Variants in CFAP44 observed in about 807,000 individuals in gnomAD.
CFAP44 encodes the protein cilia and flagella associated protein 44, also known as cilia- and flagella-associated protein 44.
CFAP44 carries 134 observed loss-of-function variants against 216.2 expected under a neutral mutation model. That is an observed-to-expected ratio of 0.62 (90% CI 0.54 to 0.72). CFAP44 has a LOEUF of 0.72. Among genes scored for constraint, CFAP44 ranks in the 30% least tolerant of loss-of-function variants. The pLI is 0.00. For synonymous variants in CFAP44, 700 were observed against 727.6 expected (o/e 0.96, Z 0.61); for missense variants, 2,035 against 2,182.1 (o/e 0.93, Z 1.34).
At chr3:113,388,191 A>C (rs1349741185) in intron 15 of CFAP44, among the ~76,000 whole-genome samples, 1 of 152,096 alleles carries the variant, frequency 6.6e-6, no homozygotes, top group Non-Finnish European at 1.5e-5. Context: ...GAGCAAACAT[A>C]GGCAGTAGCC....
At chr3:113,298,690 C>A (rs571729202) in intron 32 of CFAP44, among the ~76,000 whole-genome samples, 146 of 152,306 alleles carry the variant, frequency 9.6e-4, no homozygotes, top group African/African-American at 3.3e-3. Flanking sequence ...TGCTACAACA[C>A]GGATAAACCT....
At chr3:113,380,844 T>G in intron 16 of CFAP44, 55 bp downstream of exon 16, 1 of 1,388,532 alleles carries the variant, frequency 7.2e-7, no homozygotes, top group Non-Finnish European at 9.6e-7. Context: ...TAGGATATTT[T>G]ATATTCTAAG....
chr3:113,348,939 T>A (rs1950415327), intron 22 of CFAP44, among the ~76,000 whole-genome samples: 1 of 152,072 alleles, frequency 6.6e-6, no homozygotes, highest in Non-Finnish European at 1.5e-5. Context: ...AGCTACAACC[T>A]GAGAGTTGGA....
At chr3:113,351,623 C>T (rs1054505683) in intron 22 of CFAP44, among the ~76,000 whole-genome samples, 2 of 152,158 alleles carry the variant, frequency 1.3e-5, no homozygotes, top group Admixed American at 1.3e-4. Context: ...GTTGTTTTTA[C>T]ACTAACCAGT....
In CFAP44 at chr3:113,366,429, C is replaced by T. The variant is rs950352667; in HGVS notation, c.2445-120G>A. 2.4e-5 allele frequency: 29 copies of T among 1,185,164 alleles called. No individual in the cohort carries two copies. The African/African-American group carries it at 3.9e-4, about 16-fold the overall frequency. The allele number at this position is 1,185,164 out of a possible 1,614,324, so 73.4% of individuals were successfully genotyped here. On this transcript the variant is annotated intron_variant, in intron 18 of 34. Transcript: ENST00000393845. Reference sequence around the variant, plus strand: ...TTGTTATGGACTGAATTGTACACCCCTAAAATTCCTATATTGAAGCCCTAA... The same window carrying T: ...TTGTTATGGACTGAATTGTACACCCTTAAAATTCCTATATTGAAGCCCTAA...
chr3:113,407,633 TTGAAAAATTCTTAG>T (rs1336550525), intron 7 of CFAP44, among the ~76,000 whole-genome samples: 1 of 152,228 alleles, frequency 6.6e-6, no homozygotes, highest in Non-Finnish European at 1.5e-5. Flanking sequence ...CATAGAATTG[TTGAAAAATTCTTAG>T]AACAGTGCCT....
At chr3:113,439,772 G>A (rs2107425987) in intron 1 of CFAP44, among the ~76,000 whole-genome samples, 1 of 152,268 alleles carries the variant, frequency 6.6e-6, no homozygotes, top group East Asian at 1.9e-4. Flanking sequence ...GCTGTCTAAG[G>A]TGACATTACT....
intron 15 of CFAP44, among the ~76,000 whole-genome samples, chr3:113,390,314 T>C (rs1438378171): frequency 1.3e-5 from 2 of 151,974 alleles, no homozygotes; most frequent in Non-Finnish European, 1.5e-5. Flanking sequence ...TGACAAAAAT[T>C]CTCAAAAGAC....
intron 15 of CFAP44, among the ~76,000 whole-genome samples, chr3:113,393,854 C>T (rs1933917604): frequency 6.6e-6 from 1 of 152,052 alleles, no homozygotes; most frequent in South Asian, 2.1e-4. Context: ...ACCACATGAT[C>T]TCTATACAGG....
Position 113,420,127 on chromosome 3 carries a change from C to G in CFAP44, c.460G>C (p.Asp154His). ...RKRANLQLLD[D>H]SIAIYIAGNQ... ...CCAGCTATGTATATGGCGATACTGT[C>G]GTCCAGAAGTTGTAGGTTGGCTCGC... Residue 154 changes from aspartate (D) to histidine (H), a missense_variant, in exon 5 of 35, where the codon GAC becomes CAC. Asp to His is a moderately conservative substitution (Grantham distance 81, BLOSUM62 -1). Coordinates refer to ENST00000393845, the MANE Select transcript of CFAP44 (RefSeq NM_001164496.2). 1 of 1,613,740 alleles carries G rather than the reference C, an allele frequency of 6.2e-7. No homozygotes were observed. The highest frequency in any genetic ancestry group is 8.5e-7 in the Non-Finnish European group (1 of 1,179,802).
rs778336352 is a variant in CFAP44 at position 113,287,003 on chromosome 3, A to G, written c.*4554T>C. The G allele has an allele frequency of 1.6e-5, 15 of 949,602 alleles. No homozygotes were observed. In the African/African-American group the frequency reaches 2.1e-4, roughly 14 times the overall value. 58.8% of individuals were successfully genotyped at this position (949,602 alleles called of 1,614,324 possible). A position where few individuals can be genotyped will look rare whatever the true frequency, so the allele number is the denominator to read the frequency against. ...TTTATGCACTTGTAAATAAATGTAT[A>G]TGTTTTATAATTCTGGAGAGACATA... On this transcript the variant is annotated 3_prime_UTR_variant, in exon 35 of 35. Transcript: ENST00000393845.
intron 24 of CFAP44, among the ~76,000 whole-genome samples, chr3:113,336,744 T>C (rs1157063728): frequency 2.0e-5 from 3 of 151,928 alleles, no homozygotes; most frequent in East Asian, 1.9e-4. Flanking sequence ...AAATATACCA[T>C]TGAATGACAG....
At chr3:113,429,335 G>T (rs1935042371) in intron 2 of CFAP44, among the ~76,000 whole-genome samples, 1 of 151,940 alleles carries the variant, frequency 6.6e-6, no homozygotes, top group Admixed American at 6.6e-5. Context: ...TTTCTTAATT[G>T]ATCCTTTTAT....
chr3:113,419,916 T>G (rs2129434), intron 5 of CFAP44, 101 bp downstream of exon 5: 203,519 of 1,221,044 alleles, frequency 0.17, 17,877 homozygotes, highest in African/African-American at 0.25. Context: ...CCCACAATAC[T>G]GTGCATGGTG....
chr3:113,346,264 T>C (rs1159971064), intron 22 of CFAP44, among the ~76,000 whole-genome samples: 2 of 151,484 alleles, frequency 1.3e-5, no homozygotes, highest in East Asian at 3.9e-4. Flanking sequence ...AGCTAAAGGA[T>C]TGTAAATGCA....
intron 32 of CFAP44, among the ~76,000 whole-genome samples, chr3:113,297,407 C>G (rs1949892006): frequency 6.6e-6 from 1 of 152,094 alleles, no homozygotes; most frequent in Non-Finnish European, 1.5e-5. Flanking sequence ...CTGTGCTTCT[C>G]AAACATGCCA....
rs533969203 is a variant in CFAP44 at position 113,399,221 on chromosome 3, A to G, written c.1569+685T>C. Among the ~76,000 whole-genome samples, 32 of 152,232 alleles carry G rather than the reference A, an allele frequency of 2.1e-4. No homozygotes were observed. The East Asian group carries it at 6.2e-3, about 29-fold the overall frequency. On this transcript the variant is annotated intron_variant, in intron 13 of 34. Coordinates refer to ENST00000393845, the MANE Select transcript of CFAP44 (RefSeq NM_001164496.2). ...TGGATTATTCCAGGCCCAGCCATTC[A>G]TGTCTTCCCAGCTGAGTTCCCAGAC...
intron 33 of CFAP44, among the ~76,000 whole-genome samples, chr3:113,296,100 A>G (rs1185934438): frequency 6.6e-6 from 1 of 152,030 alleles, no homozygotes; most frequent in African/African-American, 2.4e-5. Context: ...TTTCATCTTT[A>G]TGTCCACATG....
intron 11 of CFAP44, among the ~76,000 whole-genome samples, chr3:113,401,027 C>T (rs1011623926): frequency 5.9e-5 from 9 of 152,052 alleles, no homozygotes; most frequent in Non-Finnish European, 7.4e-5. Context: ...GGTATTGACA[C>T]GGCCACTTTT....
Sources: allele counts gnomAD v4.1 joint callset (sites outside exome capture counted in the v4.1 genomes callset), GRCh38; gene constraint gnomAD v4.1.1; transcripts MANE v1.5; gene names NCBI Gene and HGNC (gene_info 2026-07-23, HGNC 2026-07-21).